The following TBC1D22A variants were observed in gnomAD, a reference collection of about 807,000 sequenced individuals.
The protein encoded by TBC1D22A is TBC1 domain family member 22A, also known as putative GTPase activator.
In TBC1D22A, 38 loss-of-function variants were observed where a neutral mutation model predicts 60.2. The ratio of observed to expected loss-of-function variants is 0.63; its 90% CI spans 0.49 to 0.83. The LOEUF (loss-of-function observed/expected upper bound fraction) is 0.83, where lower values mean the gene tolerates loss of function less well. TBC1D22A is among the 40% of genes least tolerant of loss of function. The probability of loss-of-function intolerance (pLI) is 0.00; values close to 1 mark genes in which losing one functional copy is unlikely to be tolerated. For missense variants in TBC1D22A, 628 were observed against 701.0 expected (o/e 0.90, Z 1.18); for synonymous variants, 302 against 281.7 (o/e 1.07, Z -0.72).
At chr22:47,074,684 C>G (rs2064132354) in intron 11 of TBC1D22A, among the ~76,000 whole-genome samples, 1 of 152,244 alleles carries the variant, frequency 6.6e-6, no homozygotes, top group Admixed American at 6.5e-5. Context: ...GTGGCACTGT[C>G]TGAATTCTGT....
At chr22:46,959,616 G>A (rs1419104191) in intron 8 of TBC1D22A, among the ~76,000 whole-genome samples, 1 of 152,116 alleles carries the variant, frequency 6.6e-6, no homozygotes, top group East Asian at 1.9e-4. Context: ...TGGCCTCTCT[G>A]TCCCCTCCCC....
At chr22:46,984,943 C>T (rs1311825573) in intron 9 of TBC1D22A, among the ~76,000 whole-genome samples, 1 of 152,164 alleles carries the variant, frequency 6.6e-6, no homozygotes, top group African/African-American at 2.4e-5. Flanking sequence ...AAGCCCTGTC[C>T]TGCACACTAA....
intron 11 of TBC1D22A, among the ~76,000 whole-genome samples, chr22:47,068,971 G>T (rs910806656): frequency 6.6e-6 from 1 of 152,176 alleles, no homozygotes; most frequent in African/African-American, 2.4e-5. Flanking sequence ...TATTATTTGT[G>T]ACTCTACGTT....
intron 9 of TBC1D22A, among the ~76,000 whole-genome samples, chr22:46,996,945 C>T (rs968533609): frequency 2.6e-5 from 4 of 152,192 alleles, no homozygotes; most frequent in African/African-American, 7.2e-5. Flanking sequence ...GGTAATGAAA[C>T]GGAAGCCCAG....
At chr22:46,975,215 G>A (rs766239984) in intron 9 of TBC1D22A, among the ~76,000 whole-genome samples, 21 of 152,108 alleles carry the variant, frequency 1.4e-4, no homozygotes, top group Non-Finnish European at 2.8e-4. Context: ...CTCCACACCC[G>A]GGCATAGTGG....
At chr22:46,817,852 G>A (rs957511054) in intron 4 of TBC1D22A, among the ~76,000 whole-genome samples, 12 of 152,304 alleles carry the variant, frequency 7.9e-5, no homozygotes, top group African/African-American at 2.6e-4. Context: ...CACAGTGGTT[G>A]AACTAATTTA....
At chr22:46,943,935 T>C (rs191649240) in intron 8 of TBC1D22A, among the ~76,000 whole-genome samples, 71 of 152,352 alleles carry the variant, frequency 4.7e-4, no homozygotes, top group African/African-American at 1.6e-3. Flanking sequence ...GACCACGTCT[T>C]GTTTATCCAT....
rs546570714 is a variant in TBC1D22A at position 46,997,799 on chromosome 22, G to A, written c.1201+90G>A. ...GGACAGGGAGCTGTCCTCATCCGCCGGCAGCATCCTGGCCTGCTCAGGATC... is the reference window on the plus strand; with the variant it reads ...GGACAGGGAGCTGTCCTCATCCGCCAGCAGCATCCTGGCCTGCTCAGGATC... On this transcript the variant is annotated intron_variant, in intron 10 of 12. Coordinates refer to ENST00000337137, the MANE Select transcript of TBC1D22A (RefSeq NM_014346.5). The A allele has an allele frequency of 6.1e-5, 74 of 1,218,046 alleles. No homozygotes were observed. The African/African-American group carries it at 6.1e-4, about 10-fold the overall frequency. 75.5% of individuals were successfully genotyped at this position (1,218,046 alleles called of 1,614,324 possible). A position where few individuals can be genotyped will look rare whatever the true frequency, so the allele number is the denominator to read the frequency against.
chr22:47,172,466 T>G (rs1050511526), intron 12 of TBC1D22A, among the ~76,000 whole-genome samples: 1 of 152,248 alleles, frequency 6.6e-6, no homozygotes, highest in South Asian at 2.1e-4. Flanking sequence ...TTATCCACAC[T>G]GAACGACTTA....
rs1181280559 is a variant in TBC1D22A at position 46,974,290 on chromosome 22, A to T, written c.1016A>T (p.Glu339Val). ...CTTTTGCATGCTCGGCGCCGCCCAG[A>T]GGCAGAGGAGGTGGACACGGTGGAC... ...FFVVFICEYIEAEEVDTVDVS... is the reference protein window; with the variant it reads ...FFVVFICEYIVAEEVDTVDVS... Residue 339 changes from glutamate to valine, a missense_variant and splice_region_variant, in exon 9 of 13, where the codon GAG becomes GTG. Coordinates refer to ENST00000337137, the MANE Select transcript of TBC1D22A (RefSeq NM_014346.5). 2.5e-6 allele frequency: 4 copies of T among 1,591,832 alleles called. No individual in the cohort carries two copies. The African/African-American group carries it at 4.0e-5, about 16-fold the overall frequency.
intron 4 of TBC1D22A, among the ~76,000 whole-genome samples, chr22:46,812,670 T>G (rs1409385487): frequency 6.6e-6 from 1 of 152,124 alleles, no homozygotes; most frequent in African/African-American, 2.4e-5. Flanking sequence ...GAAGGCTCAC[T>G]GTGTTTAGCG....
chr22:46,864,009 G>A (rs1279613563), intron 4 of TBC1D22A, among the ~76,000 whole-genome samples: 1 of 152,186 alleles, frequency 6.6e-6, no homozygotes, highest in Non-Finnish European at 1.5e-5. Context: ...TCAGGTAGCT[G>A]TTTGCCTCCT....
At chr22:46,970,097 T>C (rs1383586016) in intron 8 of TBC1D22A, among the ~76,000 whole-genome samples, 1 of 152,058 alleles carries the variant, frequency 6.6e-6, no homozygotes, top group Non-Finnish European at 1.5e-5. Flanking sequence ...CAGGGATGCC[T>C]GTGAATTACC....
In TBC1D22A at chr22:47,173,528, A is replaced by G; in HGVS notation, c.1456A>G (p.Thr486Ala). Residue 486 changes from threonine (T) to alanine (A), a missense_variant, in exon 13 of 13, where the codon ACA (threonine) becomes GCA (alanine). By Grantham distance (58) the Thr-to-Ala change is moderately conservative. Coordinates refer to ENST00000337137, the MANE Select transcript of TBC1D22A (RefSeq NM_014346.5). ...GCTGCTCTTCCTCCAGAACCTGCCC[A>G]CAGCCCACTGGGATGATGAGGACAT... The part of the protein sequence containing the change: ...ELLLFLQNLP[T>A]AHWDDEDISL... 1.2e-6 allele frequency: 2 copies of G among 1,614,062 alleles called. No homozygotes were observed. Among genetic ancestry groups the G allele is most frequent in the Non-Finnish European group, 1.7e-6 (2 of 1,180,006 alleles).
intron 12 of TBC1D22A, among the ~76,000 whole-genome samples, chr22:47,171,729 G>A (rs983596235): frequency 3.3e-5 from 5 of 152,194 alleles, no homozygotes; most frequent in South Asian, 2.1e-4. Context: ...GTGGGAGGGC[G>A]GGGCTGTCAG....
chr22:46,767,364 A>G (rs1385648379), intron 1 of TBC1D22A, among the ~76,000 whole-genome samples: 1 of 152,200 alleles, frequency 6.6e-6, no homozygotes, highest in Non-Finnish European at 1.5e-5. Context: ...ATGGGGAGAT[A>G]TCTTTGGCTT....
chr22:46,974,990 C>T lies in TBC1D22A; in HGVS notation c.1125+591C>T, dbSNP rs185757965. On this transcript the variant is annotated intron_variant, in intron 9 of 12. Transcript: ENST00000337137. Reference sequence around the variant, plus strand: ...AGAAAAGCCACAGGTCTCCCAGTGACGGCCAATCCTATGGCATGGTGTAGG... The same window carrying T: ...AGAAAAGCCACAGGTCTCCCAGTGATGGCCAATCCTATGGCATGGTGTAGG... Among the ~76,000 whole-genome samples, 379 of 152,292 alleles carry T rather than the reference C, an allele frequency of 2.5e-3. 2 individuals carry two copies. The highest frequency in any genetic ancestry group is 8.4e-3 in the African/African-American group (351 of 41,578).
chr22:47,000,646 C>T (rs2075280681), intron 10 of TBC1D22A, among the ~76,000 whole-genome samples: 1 of 152,034 alleles, frequency 6.6e-6, no homozygotes, highest in Non-Finnish European at 1.5e-5. Context: ...CTGTATCCTT[C>T]GGGACAGACA....
intron 8 of TBC1D22A, among the ~76,000 whole-genome samples, chr22:46,959,320 A>G (rs1404161079): frequency 6.6e-6 from 1 of 152,220 alleles, no homozygotes; most frequent in Non-Finnish European, 1.5e-5. Flanking sequence ...GGACTCAGCC[A>G]TGGAGCTAGA....
Sources: allele counts gnomAD v4.1 joint callset (sites outside exome capture counted in the v4.1 genomes callset), GRCh38; gene constraint gnomAD v4.1.1; transcripts MANE v1.5; gene names NCBI Gene and HGNC (gene_info 2026-07-23, HGNC 2026-07-21).